The following FLT1 variants were observed in gnomAD, a reference collection of about 807,000 sequenced individuals.
FLT1 encodes the protein vascular endothelial growth factor receptor 1.
Under a neutral mutation model 156.3 loss-of-function variants are expected in FLT1, and 49 were observed. That is an observed-to-expected ratio of 0.31 (90% confidence interval 0.25 to 0.40). FLT1 has a LOEUF of 0.40. Ranked by LOEUF, FLT1 falls within the 10% of genes least tolerant of loss-of-function variation. FLT1 has a pLI of 1.00. For missense variants in FLT1, 1,322 were observed against 1,637.2 expected (o/e 0.81, Z 3.32); for synonymous variants, 594 against 583.8 (o/e 1.02, Z -0.25).
intron 12 of FLT1, among the ~76,000 whole-genome samples, chr13:28,390,408 T>G (rs1009897373): frequency 6.6e-6 from 1 of 152,224 alleles, no homozygotes; most frequent in Non-Finnish European, 1.5e-5. Flanking sequence ...ATTTCCCTTT[T>G]TTTTTGAATC....
chr13:28,355,761 C>T (rs1208256138), intron 15 of FLT1, among the ~76,000 whole-genome samples: 2 of 152,192 alleles, frequency 1.3e-5, no homozygotes, highest in Middle Eastern at 3.2e-3. Flanking sequence ...GAAGGCCCCA[C>T]GGTGCTGCTG....
At chr13:28,306,080 C>G (rs374805410) in intron 29 of FLT1, among the ~76,000 whole-genome samples, 1 of 152,172 alleles carries the variant, frequency 6.6e-6, no homozygotes, top group East Asian at 1.9e-4. Flanking sequence ...GGTAGAGACT[C>G]GCACAGAGAA....
intron 3 of FLT1, among the ~76,000 whole-genome samples, chr13:28,441,031 C>A (rs1247039469): frequency 6.6e-6 from 1 of 152,052 alleles, no homozygotes; most frequent in African/African-American, 2.4e-5. Context: ...GACCGTCTCC[C>A]AACAGATAGG....
rs1870524974 is a variant in FLT1 at position 28,301,728 on chromosome 13, T to G, written c.*1439A>C. 4.3e-6 allele frequency: 1 copy of G among 233,272 alleles called. No individual in the cohort carries two copies. The highest frequency in any genetic ancestry group is 1.8e-4 in the South Asian group (1 of 5,520). The allele number at this position is 233,272 out of a possible 1,614,324, so 14.5% of individuals were successfully genotyped here. On this transcript the variant is annotated 3_prime_UTR_variant, in exon 30 of 30. Coordinates refer to ENST00000282397, the MANE Select transcript of FLT1 (RefSeq NM_002019.4). The stretch of plus-strand genomic sequence containing the variant: ...AGCGATCCAAGGCCCACTTGATCTT[T>G]AGACCCTGAAGAGTAGGCGCCCTTT...
chr13:28,344,673 A>G (rs1872491209), intron 16 of FLT1, among the ~76,000 whole-genome samples: 1 of 152,168 alleles, frequency 6.6e-6, no homozygotes, highest in East Asian at 1.9e-4. Context: ...CTGAATGCCA[A>G]CCTGGACCTC....
At chr13:28,460,319 G>A (rs950094739) in intron 3 of FLT1, among the ~76,000 whole-genome samples, 7 of 152,196 alleles carry the variant, frequency 4.6e-5, no homozygotes, top group African/African-American at 1.7e-4. Flanking sequence ...TAAAACTCAT[G>A]CTTTAAAAAA....
At position 28,322,372 on chromosome 13, in the gene FLT1, A is replaced by T. The variant is rs750513619; in HGVS notation, c.2954-13T>A. On this transcript the variant is annotated splice_polypyrimidine_tract_variant and intron_variant, in intron 21 of 29. Coordinates refer to ENST00000282397, the MANE Select transcript of FLT1 (RefSeq NM_002019.4). This position sits in a 1 kb window ranked among gnomAD's most constrained non-coding sequence, Gnocchi z 4.3. ...AAACCGTCAGAATCTGGAAAGCATT[A>T]GAACCGTAACTGTTTGTAATGGCTC... The T allele has an allele frequency of 1.9e-6, 3 of 1,553,352 alleles. No homozygotes were observed. Among genetic ancestry groups the T allele is most frequent in the Non-Finnish European group, 2.7e-6 (3 of 1,124,530 alleles).
At chr13:28,445,245 G>C (rs530190161) in intron 3 of FLT1, among the ~76,000 whole-genome samples, 46 of 152,220 alleles carry the variant, frequency 3.0e-4, no homozygotes, top group African/African-American at 1.0e-3. Flanking sequence ...GGGAGGCTGA[G>C]ACGGGTGGAT....
chr13:28,367,915 C>T (rs1007727277), intron 14 of FLT1, among the ~76,000 whole-genome samples: 1 of 152,168 alleles, frequency 6.6e-6, no homozygotes, highest in Non-Finnish European at 1.5e-5. Flanking sequence ...ATGAAATCTC[C>T]CCTGATTAGT....
At position 28,414,560 on chromosome 13, in the gene FLT1, C is replaced by T. The variant is rs78125356; in HGVS notation, c.1437-8666G>A. ...TACTTAATGTGTAACACACTTAGCA[C>T]AGTGCCTGGCACACAGGAAACAAAT... On this transcript the variant is annotated intron_variant, in intron 10 of 29. Coordinates refer to ENST00000282397, the MANE Select transcript of FLT1 (RefSeq NM_002019.4). 5.9e-3 allele frequency among the ~76,000 whole-genome samples: 905 copies of T among 152,340 alleles called. 11 individuals carry two copies. Among genetic ancestry groups the T allele is most frequent in the African/African-American group, 0.02 (836 of 41,576 alleles).
intron 13 of FLT1, chr13:28,386,377 T>C (rs1874365609): frequency 2.0e-6 from 2 of 1,013,592 alleles, no homozygotes; most frequent in African/African-American, 3.4e-5. Flanking sequence ...GGTTACTATC[T>C]GTTAGGAGAA....
At chr13:28,391,376 C>T (rs866819279) in intron 12 of FLT1, among the ~76,000 whole-genome samples, 1 of 152,206 alleles carries the variant, frequency 6.6e-6, no homozygotes, top group Non-Finnish European at 1.5e-5. Context: ...AGTCATCCCT[C>T]TGCTCTCTGA....
chr13:28,494,135 G>A (rs1566064028), intron 1 of FLT1, among the ~76,000 whole-genome samples: 1 of 152,164 alleles, frequency 6.6e-6, no homozygotes, highest in Non-Finnish European at 1.5e-5. Flanking sequence ...CGCTCGCCGA[G>A]CGTTCCCCGG....
At chr13:28,436,817 C>T (rs576669647) in intron 4 of FLT1, among the ~76,000 whole-genome samples, 1 of 152,300 alleles carries the variant, frequency 6.6e-6, no homozygotes, top group African/African-American at 2.4e-5. Flanking sequence ...TTCCATATAT[C>T]ACCTGACTTA....
intron 3 of FLT1, among the ~76,000 whole-genome samples, chr13:28,446,790 AG>A (rs1878640452): frequency 6.6e-6 from 1 of 152,222 alleles, no homozygotes; most frequent in African/African-American, 2.4e-5. Context: ...GAAATTGACA[AG>A]GTGATTCTAA....
rs536496451 is a variant in FLT1, at chr13:28,327,446, C to T, written c.2796+16G>A. The T allele has an allele frequency of 6.5e-6, 10 of 1,540,328 alleles. No individual in the cohort carries two copies. Among genetic ancestry groups the T allele is most frequent in the Non-Finnish European group, 9.0e-6 (10 of 1,112,768 alleles). ...CATTGCTATCTTTAAAAACCTCCAACTTTTGAAATCCTTACCTTGTTGAGA... is the reference window on the plus strand; with the variant it reads ...CATTGCTATCTTTAAAAACCTCCAATTTTTGAAATCCTTACCTTGTTGAGA... On this transcript the variant is annotated intron_variant, in intron 20 of 29. Coordinates refer to ENST00000282397, the MANE Select transcript of FLT1 (RefSeq NM_002019.4).
intron 13 of FLT1, chr13:28,385,646 T>C: frequency 2.0e-6 from 2 of 1,015,484 alleles, no homozygotes; most frequent in South Asian, 4.6e-5. Flanking sequence ...GAGGCACAGA[T>C]TTGTAGTTTT....
chr13:28,384,795 C>T (rs1025152409), intron 14 of FLT1, 90 bp downstream of exon 14: 2 of 1,237,028 alleles, frequency 1.6e-6, no homozygotes, highest in Non-Finnish European at 2.4e-6. Flanking sequence ...TAGGTCTATA[C>T]ATACTGGAAG....
At position 28,412,350 on chromosome 13, in the gene FLT1, C is replaced by CTTTT. The variant is rs71086853; in HGVS notation, c.1437-6457_1437-6456insAAAA. 6.2e-3 allele frequency among the ~76,000 whole-genome samples: 583 copies of CTTTT among 93,720 alleles called. 18 individuals carry two copies. The highest frequency in any genetic ancestry group is 0.01 in the Middle Eastern group (2 of 198). 61.5% of individuals were successfully genotyped at this position (93,720 alleles called of 152,430 possible). A position where few individuals can be genotyped will look rare whatever the true frequency, so the allele number is the denominator to read the frequency against. On this transcript the variant is annotated intron_variant, in intron 10 of 29. Coordinates refer to ENST00000282397, the MANE Select transcript of FLT1 (RefSeq NM_002019.4). The stretch of plus-strand genomic sequence containing the variant: ...CTTTCTTTTCTTTCTTTCTTTCTTT[C>CTTTT]TCTTTCTTTCTTTCTTTCTTTCTTT...
Sources: allele counts gnomAD v4.1 joint callset (sites outside exome capture counted in the v4.1 genomes callset), GRCh38; gene constraint gnomAD v4.1.1; non-coding constraint Gnocchi (gnomAD v3.1); transcripts MANE v1.5; gene names NCBI Gene and HGNC (gene_info 2026-07-23, HGNC 2026-07-21).